PKD1L3: variants seen among roughly 807,000 people sequenced by gnomAD.
PKD1L3 encodes the protein polycystin-1-like protein 3.
A neutral mutation model predicts 184.1 loss-of-function variants in PKD1L3; 239 were observed. That is an observed-to-expected ratio of 1.30 (90% CI 1.17 to 1.45). PKD1L3 has a LOEUF of 1.45. Ranked by LOEUF, PKD1L3 falls within the 40% of genes most tolerant of loss-of-function variation. The pLI is 0.00. For synonymous variants in PKD1L3, 996 were observed against 778.8 expected (o/e 1.28, Z -4.64); for missense variants, 2,660 against 2,067.2 (o/e 1.29, Z -5.56).
At chr16:71,935,544 T>C (rs534437532) in intron 25 of PKD1L3, 26 bp from the exon 26 acceptor site, 2 of 1,547,336 alleles carry the variant, frequency 1.3e-6, no homozygotes, top group African/African-American at 2.7e-5. Flanking sequence ...ACAGTCACTG[T>C]TGCTTGTCTG....
intron 24 of PKD1L3, among the ~76,000 whole-genome samples, chr16:71,942,044 G>A (rs770984567): frequency 6.6e-6 from 1 of 152,030 alleles, no homozygotes; most frequent in Admixed American, 6.5e-5. Context: ...GCTGGGCACG[G>A]TGGCTCATAC....
chr16:71,932,780 C>CTTTTTT (rs71153681), intron 28 of PKD1L3, among the ~76,000 whole-genome samples: 61 of 97,070 alleles, frequency 6.3e-4, no homozygotes, highest in African/African-American at 9.3e-4. Context: ...CGCACCTGGC[C>CTTTTTT]TTTTTTTTTT....
At chr16:71,978,634 G>C (rs2040029737) in intron 9 of PKD1L3, among the ~76,000 whole-genome samples, 1 of 150,674 alleles carries the variant, frequency 6.6e-6, no homozygotes, top group Non-Finnish European at 1.5e-5. Flanking sequence ...CCACCTCCCA[G>C]GTTCAAGCGA....
Position 71,998,122 on chromosome 16 carries a change from T to A in PKD1L3, c.418+150A>T, listed in dbSNP as rs74027970. On this transcript the variant is annotated intron_variant, in intron 2 of 29. Coordinates refer to ENST00000620267, the MANE Select transcript of PKD1L3 (RefSeq NM_181536.2). ...GAAGTCACTCCAGATAATTTTCTCATGCTAATCAGCATCATGAAAATCAAA... is the reference window on the plus strand; with the variant it reads ...GAAGTCACTCCAGATAATTTTCTCAAGCTAATCAGCATCATGAAAATCAAA... 1.1e-3 allele frequency: 1,208 copies of A among 1,090,146 alleles called. 3 individuals carry two copies. The highest frequency in any genetic ancestry group is 2.7e-3 in the African/African-American group (169 of 62,090). The allele number at this position is 1,090,146 out of a possible 1,614,324, so 67.5% of individuals were successfully genotyped here.
At chr16:71,946,116 A>T (rs962957917) in intron 22 of PKD1L3, among the ~76,000 whole-genome samples, 2 of 151,948 alleles carry the variant, frequency 1.3e-5, no homozygotes, top group African/African-American at 4.8e-5. Context: ...GCACCACCAC[A>T]CCCAGCTAAT....
chr16:71,938,735 G>T (rs537488352), intron 24 of PKD1L3, among the ~76,000 whole-genome samples: 3 of 152,168 alleles, frequency 2.0e-5, no homozygotes, highest in East Asian at 1.9e-4. Context: ...CTCTGCTGAG[G>T]GCTACACAAA....
At chr16:71,964,644 A>T (rs2039428004) in intron 15 of PKD1L3, among the ~76,000 whole-genome samples, 1 of 151,322 alleles carries the variant, frequency 6.6e-6, no homozygotes, top group Non-Finnish European at 1.5e-5. Context: ...TGGCCAATTC[A>T]ATGTATTTTG....
chr16:71,987,964 A>G (rs1444389551), intron 4 of PKD1L3, among the ~76,000 whole-genome samples: 5 of 152,190 alleles, frequency 3.3e-5, no homozygotes, highest in African/African-American at 9.7e-5. Context: ...GGGGGATTCA[A>G]TAAGATCCCA....
At chr16:71,954,361 T>G in intron 16 of PKD1L3, 60 bp from the exon 17 acceptor site, 1 of 1,355,086 alleles carries the variant, frequency 7.4e-7, no homozygotes, top group African/African-American at 1.5e-5. Context: ...TGCACCAGTT[T>G]AAGATGTGAT....
chr16:71,997,017 A>C (rs1383138369), intron 2 of PKD1L3, among the ~76,000 whole-genome samples: 2 of 146,362 alleles, frequency 1.4e-5, no homozygotes, highest in Non-Finnish European at 3.0e-5. Context: ...TAAGAATGAG[A>C]CTGAGGGAGG....
chr16:71,974,392 G>A (rs1357250194), intron 11 of PKD1L3, among the ~76,000 whole-genome samples: 1 of 152,148 alleles, frequency 6.6e-6, no homozygotes, highest in East Asian at 1.9e-4. Flanking sequence ...GAAAAACTGA[G>A]TCCATGGCCA....
At position 71,964,221 on chromosome 16, in the gene PKD1L3, G is replaced by C. The variant is rs543494270; in HGVS notation, c.2466-870C>G. 9.4e-5 allele frequency among the ~76,000 whole-genome samples: 14 copies of C among 148,766 alleles called. No individual in the cohort carries two copies. In the South Asian group the frequency reaches 1.7e-3, roughly 18 times the overall value. ...GTTTGATTTCACCTCACAACTATTC[G>C]GCAAACCTCCTCCTTTACTGTAATG... On this transcript the variant is annotated intron_variant, in intron 15 of 29. Coordinates refer to ENST00000620267, the MANE Select transcript of PKD1L3 (RefSeq NM_181536.2).
At chr16:71,981,690 A>G (rs1974883) in intron 7 of PKD1L3, among the ~76,000 whole-genome samples, 115,601 of 151,834 alleles carry the variant, frequency 0.76, 44,243 homozygotes, top group South Asian at 0.86. Flanking sequence ...ACAGGCATGT[A>G]CCACAATGCC....
At chr16:71,945,052 A>G (rs1301080064) in intron 22 of PKD1L3, among the ~76,000 whole-genome samples, 1 of 121,450 alleles carries the variant, frequency 8.2e-6, no homozygotes, top group African/African-American at 2.9e-5. Context: ...GATTTAGTAC[A>G]TATAAAGTTA....
intron 12 of PKD1L3, among the ~76,000 whole-genome samples, chr16:71,972,007 G>C: frequency 6.6e-6 from 1 of 151,598 alleles, no homozygotes; most frequent in East Asian, 1.9e-4. Context: ...ACGAGGACAG[G>C]AGATCGAGAC....
chr16:71,945,715 G>A (rs1361160573), intron 22 of PKD1L3, among the ~76,000 whole-genome samples: 5 of 151,764 alleles, frequency 3.3e-5, no homozygotes, highest in Non-Finnish European at 5.9e-5. Flanking sequence ...ACTAGAGGAG[G>A]GCATGAAACT....
chr16:71,945,305 TACACAC>T (rs377392088), intron 22 of PKD1L3, among the ~76,000 whole-genome samples: 20 of 59,402 alleles, frequency 3.4e-4, no homozygotes, highest in South Asian at 6.7e-4. Flanking sequence ...TATATATATA[TACACAC>T]ACACACACAC....
intron 22 of PKD1L3, among the ~76,000 whole-genome samples, chr16:71,946,189 A>C (rs1419274682): frequency 6.6e-6 from 1 of 152,120 alleles, no homozygotes; most frequent in Non-Finnish European, 1.5e-5. Flanking sequence ...AATGGAAGGC[A>C]GTTTAAAGTC....
At chr16:71,956,794 T>C (rs772587669) in intron 16 of PKD1L3, among the ~76,000 whole-genome samples, 2 of 152,148 alleles carry the variant, frequency 1.3e-5, no homozygotes, top group Non-Finnish European at 2.9e-5. Flanking sequence ...TTAAAAATGG[T>C]GAAGATGGTA....
Sources: gnomAD v4.1 joint callset for allele counts (sites outside exome capture counted in the v4.1 genomes callset) on GRCh38, gnomAD v4.1.1 for gene constraint, MANE v1.5 for transcripts, NCBI Gene and HGNC (gene_info 2026-07-23, HGNC 2026-07-21) for gene names.